The following RANBP2 variants were observed in gnomAD, a reference collection of about 807,000 sequenced individuals.
RANBP2 encodes E3 SUMO-protein ligase RanBP2.
RANBP2 carries 57 observed loss-of-function variants against 303.6 expected under a neutral mutation model. The observed-to-expected ratio is 0.19, with a 90% CI of 0.15 to 0.23. RANBP2 has a LOEUF of 0.23. RANBP2 is among the 10% of genes least tolerant of loss of function. The probability of loss-of-function intolerance (pLI) is 1.00; values close to 1 mark genes in which losing one functional copy is unlikely to be tolerated. For missense variants in RANBP2, 3,138 were observed against 3,780.8 expected (o/e 0.83, Z 4.46); for synonymous variants, 1,167 against 1,301.5 (o/e 0.90, Z 2.23).
chr2:109,516,047 G>A, the RANBP2 span, among the ~76,000 whole-genome samples: 1 of 152,306 alleles, frequency 6.6e-6, no homozygotes, highest in African/African-American at 2.4e-5. Context: ...TTAATGCTTA[G>A]CACTCAGCTC....
At chr2:109,140,525 C>T in the RANBP2 span, among the ~76,000 whole-genome samples, 6 of 151,992 alleles carry the variant, frequency 3.9e-5, no homozygotes, top group South Asian at 4.1e-4. Context: ...GGACTACAGG[C>T]GCCCACCACC....
At chr2:108,885,960 A>G in the RANBP2 span, among the ~76,000 whole-genome samples, 7 of 152,176 alleles carry the variant, frequency 4.6e-5, no homozygotes, top group Admixed American at 2.0e-4. Context: ...TTGTGGCTGA[A>G]TAGTGTTTCA....
At chr2:109,215,756 G>A in the RANBP2 span, among the ~76,000 whole-genome samples, 3 of 152,178 alleles carry the variant, frequency 2.0e-5, no homozygotes, top group African/African-American at 7.2e-5. Context: ...GGGGGACATC[G>A]CTGCACAGTT....
the RANBP2 span, among the ~76,000 whole-genome samples, chr2:108,861,698 C>G: frequency 1.3e-5 from 2 of 152,074 alleles, no homozygotes; most frequent in Non-Finnish European, 2.9e-5. Flanking sequence ...CCAGACTGGT[C>G]TCGAACTCCT....
chr2:109,225,771 C>T, the RANBP2 span, among the ~76,000 whole-genome samples: 1 of 152,282 alleles, frequency 6.6e-6, no homozygotes, highest in East Asian at 1.9e-4. Context: ...TGCTTTCTTT[C>T]GTTCTTAAAA....
Position 108,772,870 on chromosome 2 carries a change from A to G in RANBP2, c.8116A>G (p.Asn2706Asp). 2 of 1,613,674 alleles carry G rather than the reference A, an allele frequency of 1.2e-6. No individual in the cohort carries two copies. Among genetic ancestry groups the G allele is most frequent in the Non-Finnish European group, 1.7e-6 (2 of 1,179,744 alleles). Residue 2706 changes from asparagine (N) to aspartate (D), a missense_variant and splice_region_variant, in exon 23 of 29, where the codon AAT becomes GAT. Asn to Asp is a conservative substitution (Grantham distance 23). This residue lies in a region of RANBP2 where 497 missense variants were observed against 465.8 expected (regional missense o/e 1.07). Coordinates refer to ENST00000283195, the MANE Select transcript of RANBP2 (RefSeq NM_006267.5). ...CTTGTGTTGTACTGATTTTTCAGAT[A>G]ATGAGAAAGAATGTATTATTGTTTG... ...CRPLEENTADNEKECIIVWEK... is the reference protein window; with the variant it reads ...CRPLEENTADDEKECIIVWEK...
At chr2:108,930,370 G>T in the RANBP2 span, 2 of 988,116 alleles carry the variant, frequency 2.0e-6, no homozygotes, top group Middle Eastern at 2.7e-4. Context: ...GCTCGGTCTG[G>T]GAAGGTGCCC....
the RANBP2 span, among the ~76,000 whole-genome samples, chr2:108,796,548 G>C: frequency 3.9e-5 from 6 of 152,130 alleles, no homozygotes; most frequent in Admixed American, 2.0e-4. Flanking sequence ...TTGCAGCTCT[G>C]TTCATAATAA....
the RANBP2 span, chr2:108,876,118 G>A: frequency 1.4e-5 from 22 of 1,602,154 alleles, no homozygotes; most frequent in East Asian, 2.2e-5. Flanking sequence ...AACTTTTTAC[G>A]ATTCATCTGA....
At chr2:108,930,240 C>T in the RANBP2 span, 7 of 1,613,966 alleles carry the variant, frequency 4.3e-6, no homozygotes, top group Non-Finnish European at 5.1e-6. Context: ...ACATCAGAGA[C>T]ACCTGCCAAC....
At chr2:109,278,330 G>C in the RANBP2 span, among the ~76,000 whole-genome samples, 87 of 152,324 alleles carry the variant, frequency 5.7e-4, 1 homozygote, top group African/African-American at 1.7e-3. Flanking sequence ...GCTGGTGCCC[G>C]TAATGGGGGT....
the RANBP2 span, among the ~76,000 whole-genome samples, chr2:109,021,525 A>G: frequency 4.9e-4 from 9 of 18,320 alleles, no homozygotes; most frequent in Middle Eastern, 0.017. Context: ...TCCGTCTCAG[A>G]AAAAAAAAAA....
At chr2:109,676,463 C>CA in the RANBP2 span, among the ~76,000 whole-genome samples, 7 of 152,336 alleles carry the variant, frequency 4.6e-5, no homozygotes, top group East Asian at 1.2e-3. Context: ...GCGGGCTGCT[C>CA]AGTGTTGTTG....
chr2:109,656,139 C>T, the RANBP2 span, among the ~76,000 whole-genome samples: 9 of 152,166 alleles, frequency 5.9e-5, no homozygotes, highest in African/African-American at 2.2e-4. Context: ...TACACATCTG[C>T]AGTATCTTTG....
chr2:109,538,411 C>A, the RANBP2 span, among the ~76,000 whole-genome samples: 1 of 152,326 alleles, frequency 6.6e-6, no homozygotes, highest in Non-Finnish European at 1.5e-5. Context: ...CTCTCAGGGC[C>A]ATTATTCGCC....
the RANBP2 span, among the ~76,000 whole-genome samples, chr2:109,525,137 A>ATTTCTG: frequency 1.4e-5 from 2 of 141,624 alleles, no homozygotes; most frequent in African/African-American, 5.3e-5. Flanking sequence ...CCTTGACATC[A>ATTTCTG]TTTTTGTTTT....
At chr2:109,238,557 G>A in the RANBP2 span, among the ~76,000 whole-genome samples, 1 of 151,606 alleles carries the variant, frequency 6.6e-6, no homozygotes, top group African/African-American at 2.4e-5. Context: ...TGCGATCTCT[G>A]CTGGAAACTG....
the RANBP2 span, among the ~76,000 whole-genome samples, chr2:109,174,998 A>G: frequency 6.6e-6 from 1 of 152,204 alleles, no homozygotes; most frequent in Non-Finnish European, 1.5e-5. Flanking sequence ...CCAAAACAAT[A>G]TATTGCCCAA....
At chr2:108,889,780 G>A in the RANBP2 span, among the ~76,000 whole-genome samples, 1 of 152,060 alleles carries the variant, frequency 6.6e-6, no homozygotes, top group Non-Finnish European at 1.5e-5. Flanking sequence ...AAATCTGTTT[G>A]TGTTCACAGT....
Sources: allele counts gnomAD v4.1 joint callset (sites outside exome capture counted in the v4.1 genomes callset), GRCh38; gene constraint gnomAD v4.1.1; regional missense constraint gnomAD v4.1.1; transcripts MANE v1.5; gene names NCBI Gene and HGNC (gene_info 2026-07-23, HGNC 2026-07-21).